The following EEPD1 variants were observed in gnomAD, a reference collection of about 807,000 sequenced individuals.
EEPD1 encodes endonuclease/exonuclease/phosphatase family domain containing 1.
A neutral mutation model predicts 46.3 loss-of-function variants in EEPD1; 17 were observed. The ratio of observed to expected loss-of-function variants is 0.37; its 90% CI spans 0.25 to 0.55. The LOEUF (loss-of-function observed/expected upper bound fraction) is 0.55. Ranked by LOEUF, EEPD1 falls within the 20% of genes least tolerant of loss-of-function variation. EEPD1 has a pLI of 0.83. For synonymous variants in EEPD1, 313 were observed against 315.6 expected, an observed-to-expected ratio of 0.99 and a Z score of 0.09; for missense variants, 673 against 745.6, an observed-to-expected ratio of 0.90 and a Z score of 1.13.
chr7:36,288,501 C>T (rs1715668993), intron 6 of EEPD1, among the ~76,000 whole-genome samples: 1 of 152,200 alleles, frequency 6.6e-6, no homozygotes, highest in Non-Finnish European at 1.5e-5. Flanking sequence ...TAGCTCATGC[C>T]TGTAATCTCA....
intron 2 of EEPD1, among the ~76,000 whole-genome samples, chr7:36,219,806 A>AGGGTGTGTGTGTGT (rs1341203087): frequency 2.7e-5 from 2 of 75,400 alleles, no homozygotes; most frequent in Non-Finnish European, 5.3e-5. Context: ...AGAGAGAGAG[A>AGGGTGTGTGTGTGT]GTGTGTGTGT....
intron 2 of EEPD1, among the ~76,000 whole-genome samples, chr7:36,161,078 C>G (rs1180789018): frequency 6.6e-6 from 1 of 152,182 alleles, no homozygotes; most frequent in Admixed American, 6.5e-5. Flanking sequence ...GATGGGGCAT[C>G]TGACAAGGCC....
chr7:36,228,353 T>A (rs1786263499), intron 2 of EEPD1, among the ~76,000 whole-genome samples: 1 of 151,832 alleles, frequency 6.6e-6, no homozygotes, highest in Admixed American at 6.6e-5. Flanking sequence ...CATGGTGAAA[T>A]CCCATCTTTA....
chr7:36,215,273 C>T (rs572841536), intron 2 of EEPD1, among the ~76,000 whole-genome samples: 29 of 152,336 alleles, frequency 1.9e-4, no homozygotes, highest in Admixed American at 7.2e-4. Flanking sequence ...TGGCGCCATG[C>T]GGGGTCATCA....
chr7:36,154,216 C>T lies in EEPD1; in HGVS notation c.-109C>T. On this transcript the variant is annotated 5_prime_UTR_variant, in exon 2 of 8. Transcript: ENST00000242108. The surrounding 1 kb of genome is among the most constrained non-coding windows in gnomAD (Gnocchi z 4.2). ...ATAGTAACCTCTTCAGTCCCTGAAT[C>T]CTGCACCTTCCGTTTTTCTGTGCTT... The T allele has an allele frequency of 7.3e-7, 1 of 1,366,160 alleles. No individual in the cohort carries two copies. Among genetic ancestry groups the T allele is most frequent in the Non-Finnish European group, 9.7e-7 (1 of 1,029,720 alleles). The allele number at this position is 1,366,160 out of a possible 1,614,324, so 84.6% of individuals were successfully genotyped here. A position where few individuals can be genotyped will look rare whatever the true frequency, so the allele number is the denominator to read the frequency against.
intron 3 of EEPD1, among the ~76,000 whole-genome samples, chr7:36,271,774 A>G (rs1461143172): frequency 6.6e-6 from 1 of 151,600 alleles, no homozygotes; most frequent in African/African-American, 2.4e-5. Context: ...TAATTTTTGT[A>G]TAAGCTGTAA....
At chr7:36,277,251 C>T (rs943596680) in intron 3 of EEPD1, among the ~76,000 whole-genome samples, 1 of 152,248 alleles carries the variant, frequency 6.6e-6, no homozygotes, top group South Asian at 2.1e-4. Context: ...TTCAGACCCT[C>T]CCGCTAACTG....
At chr7:36,188,172 A>G (rs959935920) in intron 2 of EEPD1, among the ~76,000 whole-genome samples, 3 of 151,980 alleles carry the variant, frequency 2.0e-5, no homozygotes, top group African/African-American at 7.3e-5. Flanking sequence ...CCAATATTCA[A>G]TGGTTGGTCT....
chr7:36,153,432 C>T lies in EEPD1; in HGVS notation c.-435C>T, dbSNP rs536402634. 6.6e-6 allele frequency: 1 copy of T among 152,182 alleles called. No homozygotes were observed. The highest frequency in any genetic ancestry group is 6.5e-5 in the Admixed American group (1 of 15,288). 9.4% of individuals were successfully genotyped at this position (152,182 alleles called of 1,614,324 possible). On this transcript the variant is annotated 5_prime_UTR_variant, in exon 1 of 8. Coordinates refer to ENST00000242108, the MANE Select transcript of EEPD1 (RefSeq NM_030636.3). ...CGGCGGCGGGTTTCGCCGCCGCTGC[C>T]GCCGCCTCCGAGCAGCCCTGCGGCT...
At chr7:36,177,110 A>G (rs964584156) in intron 2 of EEPD1, among the ~76,000 whole-genome samples, 9 of 152,358 alleles carry the variant, frequency 5.9e-5, no homozygotes, top group South Asian at 2.1e-4. Flanking sequence ...TGATGGTTGC[A>G]TAACTATAAC....
At chr7:36,296,194 G>C (rs951586611) in intron 6 of EEPD1, among the ~76,000 whole-genome samples, 1 of 152,134 alleles carries the variant, frequency 6.6e-6, no homozygotes, top group African/African-American at 2.4e-5. Context: ...TTGAATGCCA[G>C]GAAGACCCAG....
At chr7:36,221,696 A>G (rs1318230824) in intron 2 of EEPD1, among the ~76,000 whole-genome samples, 1 of 152,238 alleles carries the variant, frequency 6.6e-6, no homozygotes, top group Non-Finnish European at 1.5e-5. Flanking sequence ...TCAGTTCTAA[A>G]AAAGGTAAGA....
intron 3 of EEPD1, among the ~76,000 whole-genome samples, chr7:36,266,019 C>T (rs1158275609): frequency 6.6e-6 from 1 of 152,092 alleles, no homozygotes; most frequent in African/African-American, 2.4e-5. Flanking sequence ...GCATCTCAGG[C>T]GATGTAAACC....
chr7:36,188,997 A>G (rs1456395175), intron 2 of EEPD1, among the ~76,000 whole-genome samples: 1 of 152,244 alleles, frequency 6.6e-6, no homozygotes, highest in Non-Finnish European at 1.5e-5. Flanking sequence ...CTGGATAACC[A>G]GTTGAGTCAT....
intron 2 of EEPD1, among the ~76,000 whole-genome samples, chr7:36,179,129 A>G (rs1274226510): frequency 6.6e-6 from 1 of 152,222 alleles, no homozygotes; most frequent in Non-Finnish European, 1.5e-5. Context: ...TAAAAGATAC[A>G]TTTGAGTGAA....
intron 6 of EEPD1, among the ~76,000 whole-genome samples, chr7:36,289,742 C>T (rs1437748646): frequency 6.6e-6 from 1 of 152,242 alleles, no homozygotes; most frequent in Non-Finnish European, 1.5e-5. Flanking sequence ...GATCTGCCCG[C>T]CTCGGCCTCC....
At chr7:36,176,348 G>A (rs1390423340) in intron 2 of EEPD1, among the ~76,000 whole-genome samples, 2 of 152,318 alleles carry the variant, frequency 1.3e-5, no homozygotes, top group East Asian at 3.9e-4. Context: ...CTGCCGAAGA[G>A]CAGAAGTTTG....
At chr7:36,227,816 T>C (rs1384808760) in intron 2 of EEPD1, among the ~76,000 whole-genome samples, 1 of 152,176 alleles carries the variant, frequency 6.6e-6, no homozygotes, top group African/African-American at 2.4e-5. Flanking sequence ...GGCTCCCAAG[T>C]AGCTGCGATT....
At chr7:36,255,231 G>A (rs572603792) in intron 3 of EEPD1, among the ~76,000 whole-genome samples, 39 of 152,268 alleles carry the variant, frequency 2.6e-4, no homozygotes, top group African/African-American at 9.1e-4. Flanking sequence ...GTCCTGAATG[G>A]TATTGCCTAG....
Sources: allele counts gnomAD v4.1 joint callset (sites outside exome capture counted in the v4.1 genomes callset), GRCh38; gene constraint gnomAD v4.1.1; non-coding constraint Gnocchi (gnomAD v3.1); transcripts MANE v1.5; gene names NCBI Gene and HGNC (gene_info 2026-07-23, HGNC 2026-07-21).